TMEM63B: variants seen among roughly 807,000 people sequenced by gnomAD.
TMEM63B encodes the protein transmembrane protein 63B.
A neutral mutation model predicts 102.6 loss-of-function variants in TMEM63B; 23 were observed. The observed-to-expected ratio is 0.22, with a 90% CI of 0.16 to 0.32. TMEM63B has a LOEUF of 0.32. Ranked by LOEUF, TMEM63B falls within the 10% of genes least tolerant of loss-of-function variation. TMEM63B has a pLI of 1.00. For missense variants in TMEM63B, 628 were observed against 1,095.9 expected (o/e 0.57, Z 6.03); for synonymous variants, 444 against 437.0 (o/e 1.02, Z -0.20).
chr6:44,149,355 C>T (rs1766100410), intron 15 of TMEM63B: 1 of 323,806 alleles, frequency 3.1e-6, no homozygotes, highest in Non-Finnish European at 5.9e-6. Context: ...GGGTGGCATG[C>T]ATGTCTGCCT....
At chr6:44,135,387 CT>C in intron 4 of TMEM63B, 21 bp downstream of exon 4, 1 of 1,603,956 alleles carries the variant, frequency 6.2e-7, no homozygotes. Flanking sequence ...CACCAGCCCC[CT>C]CATTCCCACT....
chr6:44,135,383 C>T lies in TMEM63B; in HGVS notation c.278+17C>T, dbSNP rs765595174. ...ACAGGAATAGTATGTGGGGCACCAG[C>T]CCCCTCATTCCCACTAAACCAGCTT... On this transcript the variant is annotated intron_variant, in intron 4 of 23. Transcript: ENST00000323267. 2 of 1,605,488 alleles carry T rather than the reference C, an allele frequency of 1.2e-6. No homozygotes were observed. The highest frequency in any genetic ancestry group is 1.7e-6 in the Non-Finnish European group (2 of 1,174,574).
rs74554867 is a variant in TMEM63B at position 44,155,206 on chromosome 6, G to A, written c.*323G>A. ...ATGAGAGCCAAGAGGAGTACCTGGT[G>A]CACCTGGTGCCGGTGGCTGGAGACC... On this transcript the variant is annotated 3_prime_UTR_variant, in exon 24 of 24. Coordinates refer to ENST00000323267, the MANE Select transcript of TMEM63B (RefSeq NM_018426.3). 3.9e-5 allele frequency: 7 copies of A among 179,132 alleles called. No individual in the cohort carries two copies. The East Asian group carries it at 8.4e-4, about 21-fold the overall frequency. 11.1% of individuals were successfully genotyped at this position (179,132 alleles called of 1,614,324 possible).
At chr6:44,135,402 C>A (rs1469928792) in intron 4 of TMEM63B, 36 bp downstream of exon 4, 11 of 1,589,394 alleles carry the variant, frequency 6.9e-6, no homozygotes, top group Non-Finnish European at 9.4e-6. Flanking sequence ...TCCCACTAAA[C>A]CAGCTTTCCC....
In TMEM63B at chr6:44,154,952, C is replaced by T; in HGVS notation, c.*69C>T. ...CCCCACTCCCACGGACACTAAAACG[C>T]TAATAATTTATTAGATCTAAAGCCC... is the stretch of plus-strand genomic sequence containing the variant. On this transcript the variant is annotated 3_prime_UTR_variant, in exon 24 of 24. Coordinates refer to ENST00000323267, the MANE Select transcript of TMEM63B (RefSeq NM_018426.3). 1 of 1,374,890 alleles carries T rather than the reference C, an allele frequency of 7.3e-7. No homozygotes were observed. The highest frequency in any genetic ancestry group is 9.7e-7 in the Non-Finnish European group (1 of 1,033,662). The allele number at this position is 1,374,890 out of a possible 1,614,324, so 85.2% of individuals were successfully genotyped here.
rs1765649290 is a variant in TMEM63B at position 44,147,440 on chromosome 6, C to G, written c.927C>G (p.Thr309=). Reference sequence around the variant, plus strand: ...TCCAGAGCAAGGAGAACGTGCCTACCATGATCAACCCCAAGCCCTGTGGCC... The same window carrying G: ...TCCAGAGCAAGGAGAACGTGCCTACGATGATCAACCCCAAGCCCTGTGGCC... The part of the protein sequence containing the change: ...TNLQSKENVP[T]MINPKPCGHL... Residue 309 remains threonine (T), a synonymous_variant, in exon 12 of 24, where the codon ACC becomes ACG. Transcript: ENST00000323267. 6.2e-7 allele frequency: 1 copy of G among 1,614,072 alleles called. No individual in the cohort carries two copies. Among genetic ancestry groups the G allele is most frequent in the South Asian group, 1.1e-5 (1 of 91,084 alleles).
In TMEM63B at chr6:44,148,798, C is replaced by T. The variant is rs1260905253; in HGVS notation, c.1266C>T (p.His422=). The change falls in exon 15 of 24, where the codon CAC becomes CAT. Residue 422 remains histidine, a synonymous_variant. Coordinates refer to ENST00000323267, the MANE Select transcript of TMEM63B (RefSeq NM_018426.3). The surrounding 1 kb of genome is among the most constrained non-coding windows in gnomAD (Gnocchi z 5.1). ...CGGTTCCCCACCTTGCCAGGGAGCA[C>T]CTCTCCATCCGAGGCTTCATCTGGT... ...APDPQNIYWE[H]LSIRGFIWWL... 22 of 1,614,012 alleles carry T rather than the reference C, an allele frequency of 1.4e-5. No homozygotes were observed. The highest frequency in any genetic ancestry group is 1.8e-5 in the Non-Finnish European group (21 of 1,180,028).
In TMEM63B at chr6:44,147,370, C is replaced by T. The variant is rs567124705; in HGVS notation, c.864-7C>T. ...GATGTAGGTGACCAGGCATCTGGGTCCCACAGGAAGAAGGCCGAGCGGGGA... is the reference window on the plus strand; with the variant it reads ...GATGTAGGTGACCAGGCATCTGGGTTCCACAGGAAGAAGGCCGAGCGGGGA... On this transcript the variant is annotated splice_region_variant and splice_polypyrimidine_tract_variant and intron_variant, in intron 11 of 23. Coordinates refer to ENST00000323267, the MANE Select transcript of TMEM63B (RefSeq NM_018426.3). The T allele has an allele frequency of 7.0e-5, 113 of 1,614,122 alleles. No individual in the cohort carries two copies. The South Asian group carries it at 1.2e-3, about 17-fold the overall frequency.
At chr6:44,147,329 G>A (rs1765624727) in intron 11 of TMEM63B, 48 bp from the exon 12 acceptor site, 2 of 1,613,746 alleles carry the variant, frequency 1.2e-6, no homozygotes, top group Non-Finnish European at 1.7e-6. Context: ...CCCAAGCTGA[G>A]CCAGCCCCAG....
intron 18 of TMEM63B, among the ~76,000 whole-genome samples, chr6:44,151,420 C>G (rs1419735985): frequency 1.3e-5 from 2 of 152,008 alleles, no homozygotes; most frequent in Non-Finnish European, 2.9e-5. Context: ...CGGGAAGGGT[C>G]TCAAAGCTTG....
At chr6:44,149,588 T>G (rs568530231) in intron 15 of TMEM63B, among the ~76,000 whole-genome samples, 1 of 152,330 alleles carries the variant, frequency 6.6e-6, no homozygotes, top group Non-Finnish European at 1.5e-5. Flanking sequence ...AACAGCATTA[T>G]TGTGAGGATT....
At chr6:44,147,285 C>T in intron 11 of TMEM63B, 92 bp from the exon 12 acceptor site, 1 of 1,585,876 alleles carries the variant, frequency 6.3e-7, no homozygotes. Context: ...AAGAACAAGA[C>T]AGCTCCTGTC....
chr6:44,151,193 T>A (rs887568803), intron 18 of TMEM63B, among the ~76,000 whole-genome samples: 1 of 152,086 alleles, frequency 6.6e-6, no homozygotes, highest in African/African-American at 2.4e-5. Flanking sequence ...TCTGGGAACA[T>A]CTCTAAAATT....
At chr6:44,141,167 G>A (rs1764181098) in intron 10 of TMEM63B, 69 bp downstream of exon 10, 1 of 1,485,838 alleles carries the variant, frequency 6.7e-7, no homozygotes, top group African/African-American at 1.4e-5. Flanking sequence ...TGAACTCTAA[G>A]AACATCCTTA....
At position 44,137,054 on chromosome 6, in the gene TMEM63B, A is replaced by G. The variant is rs146418109; in HGVS notation, c.369+615A>G. On this transcript the variant is annotated intron_variant, in intron 5 of 23. Coordinates refer to ENST00000323267, the MANE Select transcript of TMEM63B (RefSeq NM_018426.3). ...AGCGAGACTCCATCTCAAAACAAAC[A>G]AAAAAAAGAAATAATAAGCCCTCCA... 3.1e-3 allele frequency among the ~76,000 whole-genome samples: 462 copies of G among 150,244 alleles called. 1 individual carries two copies. The highest frequency in any genetic ancestry group is 0.011 in the African/African-American group (444 of 41,448).
chr6:44,137,335 C>G (rs1323900657), intron 5 of TMEM63B, among the ~76,000 whole-genome samples: 1 of 152,224 alleles, frequency 6.6e-6, no homozygotes, highest in Non-Finnish European at 1.5e-5. Context: ...CTCTAATCCT[C>G]AGACATGGTG....
intron 12 of TMEM63B, 95 bp downstream of exon 12, chr6:44,147,595 C>T: frequency 6.6e-7 from 1 of 1,516,918 alleles, no homozygotes; most frequent in Middle Eastern, 1.9e-4. Flanking sequence ...CCACCTGTCC[C>T]TGGAATCCTT....
chr6:44,150,773 C>T lies in TMEM63B; in HGVS notation c.1673+144C>T, dbSNP rs980314763. 2 of 817,872 alleles carry T rather than the reference C, an allele frequency of 2.4e-6. No individual in the cohort carries two copies. The highest frequency in any genetic ancestry group is 3.4e-5 in the African/African-American group (2 of 58,590). The allele number at this position is 817,872 out of a possible 1,614,324, so 50.7% of individuals were successfully genotyped here. On this transcript the variant is annotated intron_variant, in intron 18 of 23. Coordinates refer to ENST00000323267, the MANE Select transcript of TMEM63B (RefSeq NM_018426.3). This position sits in a 1 kb window ranked among gnomAD's most constrained non-coding sequence, Gnocchi z 4.7. The stretch of plus-strand genomic sequence containing the variant: ...GAGAGAGGATCTGGCGGGGTTACCC[C>T]AAAGGCACCCACAAGGTGTCTTGGG...
upstream of TMEM63B, chr6:44,127,444 C>T (rs577194297): frequency 1.3e-5 from 2 of 151,976 alleles, no homozygotes; most frequent in Non-Finnish European, 2.9e-5. Context: ...CAGGCCCAGC[C>T]CGGCGGACGC....
Sources: gnomAD v4.1 joint callset for allele counts (sites outside exome capture counted in the v4.1 genomes callset) on GRCh38, gnomAD v4.1.1 for gene constraint, Gnocchi (gnomAD v3.1) non-coding constraint, MANE v1.5 for transcripts, NCBI Gene and HGNC (gene_info 2026-07-23, HGNC 2026-07-21) for gene names.